The following PALM2AKAP2 variants were observed in gnomAD, a reference collection of about 807,000 sequenced individuals.
PALM2AKAP2 encodes the protein PALM2-AKAP2 fusion protein.
In PALM2AKAP2, 37 loss-of-function variants were observed where a neutral mutation model predicts 71.5. The ratio of observed to expected loss-of-function variants is 0.52; its 90% CI spans 0.40 to 0.68. PALM2AKAP2 has a LOEUF of 0.68. Ranked by LOEUF, PALM2AKAP2 falls within the 30% of genes least tolerant of loss-of-function variation. The pLI, the probability that PALM2AKAP2 is intolerant of heterozygous loss-of-function variation, is 0.00. For synonymous variants in PALM2AKAP2, 468 were observed against 478.8 expected, an observed-to-expected ratio of 0.98 and a Z score of 0.29; for missense variants, 1,224 against 1,191.8, an observed-to-expected ratio of 1.03 and a Z score of -0.40.
intron 1 of PALM2AKAP2, among the ~76,000 whole-genome samples, chr9:109,668,638 C>CT (rs1449750615): frequency 6.6e-5 from 10 of 151,958 alleles, no homozygotes; most frequent in Admixed American, 2.6e-4. Flanking sequence ...CTGTCTCTGT[C>CT]TTTTTTTTAT....
chr9:109,955,644 T>G (rs1588031799), intron 6 of PALM2AKAP2, among the ~76,000 whole-genome samples: 1 of 89,240 alleles, frequency 1.1e-5, no homozygotes, highest in Non-Finnish European at 2.3e-5. Flanking sequence ...TATTGTCCAC[T>G]TTTTTTATCT....
chr9:109,771,486 T>C (rs551510836), intron 1 of PALM2AKAP2, among the ~76,000 whole-genome samples: 5 of 152,182 alleles, frequency 3.3e-5, no homozygotes, highest in Non-Finnish European at 7.4e-5. Context: ...TGGTGACTTA[T>C]CTGAGCCTAA....
At chr9:109,982,693 T>C (rs536891041) in intron 6 of PALM2AKAP2, among the ~76,000 whole-genome samples, 2 of 152,316 alleles carry the variant, frequency 1.3e-5, no homozygotes, top group East Asian at 3.9e-4. Context: ...TGCATGTTCA[T>C]AGTCCACTGC....
intron 1 of PALM2AKAP2, among the ~76,000 whole-genome samples, chr9:109,803,099 T>TG (rs554771912): frequency 5.5e-5 from 8 of 145,508 alleles, no homozygotes; most frequent in Non-Finnish European, 1.1e-4. Context: ...AACAGGTTTT[T>TG]GGGGAAAAAA....
At chr9:109,867,650 T>A in intron 2 of PALM2AKAP2, 79 bp downstream of exon 2, 1 of 1,477,216 alleles carries the variant, frequency 6.8e-7, no homozygotes, top group Non-Finnish European at 9.0e-7. Context: ...GTGCCTGCCC[T>A]GCCGTGAAGG....
intron 7 of PALM2AKAP2, among the ~76,000 whole-genome samples, chr9:110,029,256 A>C (rs1833236948): frequency 6.6e-6 from 1 of 152,206 alleles, no homozygotes; most frequent in African/African-American, 2.4e-5. Context: ...GACTTTTTGG[A>C]AGCCTTATTC....
chr9:110,091,256 T>A (rs1030113963), intron 1 of PALM2AKAP2, among the ~76,000 whole-genome samples: 1 of 152,150 alleles, frequency 6.6e-6, no homozygotes, highest in Middle Eastern at 3.4e-3. Flanking sequence ...TCCACAAAGA[T>A]CAGGTATTGT....
intron 1 of PALM2AKAP2, among the ~76,000 whole-genome samples, chr9:109,716,942 A>C (rs558546756): frequency 6.6e-6 from 1 of 152,158 alleles, no homozygotes; most frequent in Admixed American, 6.6e-5. Context: ...TGCCAGAAGG[A>C]CTAACTCCTG....
chr9:109,641,730 G>A (rs1448643913), intron 1 of PALM2AKAP2, among the ~76,000 whole-genome samples: 1 of 152,100 alleles, frequency 6.6e-6, no homozygotes, highest in African/African-American at 2.4e-5. Flanking sequence ...CTCCTCTTCC[G>A]TTCTCTTCCC....
chr9:109,802,396 A>G (rs973069609), intron 1 of PALM2AKAP2, among the ~76,000 whole-genome samples: 2 of 152,188 alleles, frequency 1.3e-5, no homozygotes, highest in Non-Finnish European at 2.9e-5. Flanking sequence ...GGCCCTACAA[A>G]TTATGTAGCC....
chr9:109,847,461 G>A (rs759094577), intron 1 of PALM2AKAP2, among the ~76,000 whole-genome samples: 5 of 152,256 alleles, frequency 3.3e-5, no homozygotes, highest in East Asian at 1.9e-4. Context: ...TGTTGTTTTC[G>A]ATGGGCGTGA....
At chr9:109,751,467 C>G (rs1196137752) in intron 1 of PALM2AKAP2, among the ~76,000 whole-genome samples, 1 of 152,140 alleles carries the variant, frequency 6.6e-6, no homozygotes, top group Non-Finnish European at 1.5e-5. Context: ...TCCGCGCTGA[C>G]CAGACTCTAG....
chr9:110,123,905 A>G (rs1025117976), intron 1 of PALM2AKAP2, among the ~76,000 whole-genome samples: 1 of 152,060 alleles, frequency 6.6e-6, no homozygotes, highest in Admixed American at 6.6e-5. Context: ...TTTCTGCCTC[A>G]TTTTACTTCA....
chr9:109,914,160 C>T (rs1375899707), intron 3 of PALM2AKAP2, among the ~76,000 whole-genome samples: 2 of 152,184 alleles, frequency 1.3e-5, no homozygotes, highest in South Asian at 2.1e-4. Flanking sequence ...CCTGTGAATT[C>T]CTTAGGGACC....
chr9:109,743,473 G>A (rs1828749536), intron 1 of PALM2AKAP2, among the ~76,000 whole-genome samples: 2 of 152,144 alleles, frequency 1.3e-5, no homozygotes, highest in Admixed American at 6.5e-5. Flanking sequence ...TACAAATGGA[G>A]GGCCGGCATT....
chr9:109,951,127 T>C (rs878936247), intron 6 of PALM2AKAP2, among the ~76,000 whole-genome samples: 1 of 151,970 alleles, frequency 6.6e-6, no homozygotes, highest in Admixed American at 6.6e-5. Flanking sequence ...TTCCAGAAAA[T>C]GTTGTGTCTG....
intron 1 of PALM2AKAP2, among the ~76,000 whole-genome samples, chr9:109,794,400 G>C (rs1350224060): frequency 1.5e-5 from 1 of 65,902 alleles, no homozygotes; most frequent in Non-Finnish European, 2.8e-5. Flanking sequence ...GATTTTCCAG[G>C]TGTATTTTTT....
intron 7 of PALM2AKAP2, among the ~76,000 whole-genome samples, chr9:110,020,966 C>T (rs1041428681): frequency 3.0e-4 from 45 of 151,976 alleles, no homozygotes; most frequent in African/African-American, 1.0e-3. Context: ...AAAAATTAGG[C>T]ATGGTGGCAC....
intron 1 of PALM2AKAP2, among the ~76,000 whole-genome samples, chr9:109,843,068 A>G (rs929365222): frequency 7.4e-6 from 1 of 134,650 alleles, no homozygotes; most frequent in African/African-American, 2.8e-5. Flanking sequence ...TGAACCCGGG[A>G]GGTGGAGGTT....
Sources: gnomAD v4.1 joint callset for allele counts (sites outside exome capture counted in the v4.1 genomes callset) on GRCh38, gnomAD v4.1.1 for gene constraint, MANE v1.5 for transcripts, NCBI Gene and HGNC (gene_info 2026-07-23, HGNC 2026-07-21) for gene names.